Variants in INO80D observed in about 807,000 individuals in gnomAD.
The protein encoded by INO80D is INO80 complex subunit D.
INO80D carries 21 observed loss-of-function variants against 87.6 expected under a neutral mutation model. The observed-to-expected ratio is 0.24, with a 90% confidence interval of 0.17 to 0.35. INO80D has a LOEUF of 0.35. Ranked by LOEUF, INO80D falls within the 10% of genes least tolerant of loss-of-function variation. The pLI is 1.00. For missense variants in INO80D, 982 were observed against 1,280.7 expected (o/e 0.77, Z 3.56); for synonymous variants, 440 against 491.0 (o/e 0.90, Z 1.37).
At position 206,022,375 on chromosome 2, in the gene INO80D, A is replaced by G. The variant is rs190234797; in HGVS notation, c.1299-2530T>C. On this transcript the variant is annotated intron_variant, in intron 6 of 10. Transcript: ENST00000403263. ...GAGCAGAACTCTGTCTCAAAAAATA[A>G]AAAATAAAAAAAAATTAATGTGAAA... 3.2e-3 allele frequency among the ~76,000 whole-genome samples: 487 copies of G among 152,248 alleles called. 3 individuals are homozygous for G. The highest frequency in any genetic ancestry group is 0.011 in the African/African-American group (463 of 41,540).
chr2:206,030,840 G>C (rs998791385), intron 5 of INO80D, among the ~76,000 whole-genome samples: 14 of 152,140 alleles, frequency 9.2e-5, no homozygotes, highest in African/African-American at 3.1e-4. Flanking sequence ...ACAGTCAGCA[G>C]CAGATATAAA....
At chr2:206,079,141 A>T (rs1690206316) in intron 1 of INO80D, among the ~76,000 whole-genome samples, 1 of 152,034 alleles carries the variant, frequency 6.6e-6, no homozygotes, top group Non-Finnish European at 1.5e-5. Context: ...GGTGTGATCA[A>T]GATTCACTGC....
intron 5 of INO80D, among the ~76,000 whole-genome samples, chr2:206,041,782 C>A (rs1689058546): frequency 6.6e-6 from 1 of 152,066 alleles, no homozygotes; most frequent in Admixed American, 6.6e-5. Flanking sequence ...TGGGAAACCC[C>A]AAAATACTCA....
intron 6 of INO80D, among the ~76,000 whole-genome samples, chr2:206,026,849 GA>G (rs1428043454): frequency 2.0e-5 from 3 of 151,848 alleles, no homozygotes; most frequent in African/African-American, 7.3e-5. Context: ...CTGATATACA[GA>G]TTTTCACGAA....
At chr2:206,024,284 A>G (rs377486039) in intron 6 of INO80D, among the ~76,000 whole-genome samples, 1 of 152,180 alleles carries the variant, frequency 6.6e-6, no homozygotes, top group African/African-American at 2.4e-5. Flanking sequence ...CATGAGAGAC[A>G]AGTTAATATA....
chr2:206,051,392 C>G (rs1330908656), intron 4 of INO80D, among the ~76,000 whole-genome samples: 1 of 150,448 alleles, frequency 6.6e-6, no homozygotes, highest in Non-Finnish European at 1.5e-5. Context: ...AACAGATACC[C>G]GGAAGCAAAA....
At chr2:206,024,399 TAA>T (rs929229561) in intron 6 of INO80D, among the ~76,000 whole-genome samples, 3 of 152,020 alleles carry the variant, frequency 2.0e-5, no homozygotes, top group Admixed American at 2.0e-4. Context: ...TCTAAGAACA[TAA>T]GTCTCTGAGT....
In INO80D at chr2:206,017,674, A is replaced by G. The variant is rs1201242947; in HGVS notation, c.1542+6T>C. ...AAAGTTTGAAAGCCTCTGTTGCAGA[A>G]CTTACCATTTTTTTGGCATGTTCTT... On this transcript the variant is annotated splice_donor_region_variant and intron_variant, in intron 8 of 10. Transcript: ENST00000403263. 1 of 1,573,328 alleles carries G rather than the reference A, an allele frequency of 6.4e-7. No homozygotes were observed. Among genetic ancestry groups the G allele is most frequent in the South Asian group, 1.2e-5 (1 of 83,902 alleles).
intron 4 of INO80D, 70 bp from the exon 5 acceptor site, chr2:206,046,682 A>G (rs898181076): frequency 9.4e-6 from 9 of 953,716 alleles, no homozygotes; most frequent in Non-Finnish European, 1.3e-5. Context: ...CTAAAAAGCT[A>G]CACAAAATAA....
chr2:206,057,013 C>A (rs1029633754), intron 3 of INO80D, 70 bp from the exon 4 acceptor site: 2 of 1,405,484 alleles, frequency 1.4e-6, no homozygotes, highest in Non-Finnish European at 1.9e-6. Context: ...CATAAAACTA[C>A]ATGAGAATCC....
chr2:205,997,038 GC>G lies in INO80D; in HGVS notation c.*7329del, dbSNP rs1687821583. On this transcript the variant is annotated 3_prime_UTR_variant, in exon 11 of 11. Transcript: ENST00000403263. ...CTATATCTAAGATGAAGTAAATGAT[GC>G]TCAAGAGACAACTACAAATTCAGGT... The G allele has an allele frequency of 6.6e-6, 1 of 152,040 alleles. No homozygotes were observed. Among genetic ancestry groups the G allele is most frequent in the African/African-American group, 2.4e-5 (1 of 41,418 alleles). The allele number at this position is 152,040 out of a possible 1,614,324, so 9.4% of individuals were successfully genotyped here.
At chr2:206,008,578 C>T (rs899354878) in intron 9 of INO80D, among the ~76,000 whole-genome samples, 1 of 152,172 alleles carries the variant, frequency 6.6e-6, no homozygotes, top group Non-Finnish European at 1.5e-5. Flanking sequence ...CGCACCTGGT[C>T]CTAGGTTTTT....
chr2:206,031,297 T>C (rs1037767333), intron 5 of INO80D, among the ~76,000 whole-genome samples: 2 of 151,778 alleles, frequency 1.3e-5, no homozygotes, highest in African/African-American at 2.4e-5. Flanking sequence ...GCCATTATCA[T>C]AAGTGAACTA....
rs60979396 is a variant in INO80D at position 206,071,257 on chromosome 2, CTTTTTTTTTTTTTTTTT to C, written c.-123-8030_-123-8014del. Among the ~76,000 whole-genome samples the C allele has an allele frequency of 6.1e-5, 5 of 81,978 alleles. 1 individual carries two copies. Among genetic ancestry groups the C allele is most frequent in the Non-Finnish European group, 9.0e-5 (4 of 44,220 alleles). The allele number at this position is 81,978 out of a possible 152,430, so 53.8% of individuals were successfully genotyped here. A position where few individuals can be genotyped will look rare whatever the true frequency, so the allele number is the denominator to read the frequency against. ...TACAGGCATAAGCACCACGCCCGGC[CTTTTTTTTTTTTTTTTT>C]TTTTTTTTTTTTTTTTTTTTTTTTT... On this transcript the variant is annotated intron_variant, in intron 1 of 10. Coordinates refer to ENST00000403263, the MANE Select transcript of INO80D (RefSeq NM_017759.5).
intron 5 of INO80D, among the ~76,000 whole-genome samples, chr2:206,039,810 C>CAAAAAAA (rs35689223): frequency 3.0e-5 from 3 of 101,080 alleles, no homozygotes; most frequent in Non-Finnish European, 5.8e-5. Flanking sequence ...CCTCTGTCTC[C>CAAAAAAA]AAAAAAAAAA....
At chr2:206,063,079 G>A in intron 2 of INO80D, 34 bp from the exon 3 acceptor site, 2 of 1,131,630 alleles carry the variant, frequency 1.8e-6, no homozygotes, top group East Asian at 2.5e-5. Context: ...AAACCCAAAT[G>A]ATAAATCAGA....
chr2:206,029,433 T>G (rs1219223920), intron 5 of INO80D, among the ~76,000 whole-genome samples: 1 of 152,210 alleles, frequency 6.6e-6, no homozygotes. Context: ...ATCTTACTTT[T>G]TACCGTTAGG....
intron 5 of INO80D, among the ~76,000 whole-genome samples, chr2:206,031,923 G>A (rs1688778541): frequency 6.6e-6 from 1 of 152,188 alleles, no homozygotes; most frequent in Non-Finnish European, 1.5e-5. Flanking sequence ...CCGCTGCTGG[G>A]GAAACTGAAG....
chr2:206,021,290 A>G (rs1282298745), intron 6 of INO80D, among the ~76,000 whole-genome samples: 1 of 152,230 alleles, frequency 6.6e-6, no homozygotes. Flanking sequence ...TACACAAAAT[A>G]TAAATACTTC....
Sources: allele counts gnomAD v4.1 joint callset (sites outside exome capture counted in the v4.1 genomes callset), GRCh38; gene constraint gnomAD v4.1.1; transcripts MANE v1.5; gene names NCBI Gene and HGNC (gene_info 2026-07-23, HGNC 2026-07-21).